LDB2: variants seen among roughly 807,000 people sequenced by gnomAD.
LDB2 encodes LIM domain-binding protein 2.
In LDB2, 12 loss-of-function variants were observed where a neutral mutation model predicts 44.3. The observed-to-expected ratio is 0.27, with a 90% confidence interval of 0.17 to 0.44. The LOEUF (loss-of-function observed/expected upper bound fraction) is 0.44, where lower values mean the gene tolerates loss of function less well. Ranked by LOEUF, LDB2 falls within the 20% of genes least tolerant of loss-of-function variation. The probability of loss-of-function intolerance (pLI) is 1.00; values close to 1 mark genes in which losing one functional copy is unlikely to be tolerated. For missense variants in LDB2, 344 were observed against 473.5 expected (o/e 0.73, Z 2.54); for synonymous variants, 164 against 174.8 (o/e 0.94, Z 0.49).
intron 2 of LDB2, among the ~76,000 whole-genome samples, chr4:16,607,598 C>T (rs1366002261): frequency 1.3e-5 from 2 of 152,044 alleles, no homozygotes; most frequent in Non-Finnish European, 2.9e-5. Context: ...ACACTATGCA[C>T]GTGAAGTGCT....
chr4:16,884,490 A>C (rs1007327432), intron 1 of LDB2, among the ~76,000 whole-genome samples: 2 of 152,148 alleles, frequency 1.3e-5, no homozygotes, highest in African/African-American at 4.8e-5. Flanking sequence ...CCCAGACCTT[A>C]AGCCTCAGCA....
intron 2 of LDB2, chr4:16,626,754 T>C (rs898119631): frequency 2.0e-5 from 3 of 152,196 alleles, no homozygotes; most frequent in Admixed American, 2.0e-4. Context: ...GGCTACTGAT[T>C]AGATATGGTA....
At chr4:16,792,113 G>T (rs1289525558) in intron 1 of LDB2, among the ~76,000 whole-genome samples, 1 of 152,138 alleles carries the variant, frequency 6.6e-6, no homozygotes, top group Non-Finnish European at 1.5e-5. Flanking sequence ...AACAAAATGG[G>T]TGTGGATTTG....
intron 5 of LDB2, among the ~76,000 whole-genome samples, chr4:16,567,279 A>G (rs948113546): frequency 6.6e-6 from 1 of 152,188 alleles, no homozygotes; most frequent in Non-Finnish European, 1.5e-5. Flanking sequence ...ATTATGGTAT[A>G]TCTTTAGAGT....
intron 5 of LDB2, among the ~76,000 whole-genome samples, chr4:16,535,752 A>C (rs1501144): frequency 6.6e-6 from 1 of 152,032 alleles, no homozygotes; most frequent in African/African-American, 2.4e-5. Context: ...TAAGCCCTAT[A>C]CTGGGCAATT....
Position 16,511,829 on chromosome 4 carries a change from T to C in LDB2, c.739+152A>G, listed in dbSNP as rs114333814. On this transcript the variant is annotated intron_variant, in intron 6 of 7. Transcript: ENST00000304523. ...GGATGTTTGCCTGTCACAAATTCAT[T>C]GTCTTTATGTCCACAACCATGGTCA... 1,619 of 826,008 alleles carry C rather than the reference T, an allele frequency of 2.0e-3. 17 individuals carry two copies. In the African/African-American group the frequency reaches 0.025, roughly 13 times the overall value. The allele number at this position is 826,008 out of a possible 1,614,324, so 51.2% of individuals were successfully genotyped here.
intron 1 of LDB2, chr4:16,888,671 T>C (rs1357747886): frequency 3.1e-6 from 3 of 967,678 alleles, no homozygotes; most frequent in Admixed American, 1.2e-4. Context: ...TGGCATTACT[T>C]ACATTATTTA....
intron 3 of LDB2, among the ~76,000 whole-genome samples, chr4:16,591,124 A>G (rs1044489574): frequency 6.6e-6 from 1 of 152,228 alleles, no homozygotes; most frequent in African/African-American, 2.4e-5. Context: ...ATATTTAAAC[A>G]AATATTAGCT....
At chr4:16,791,486 C>T (rs1487001339) in intron 1 of LDB2, among the ~76,000 whole-genome samples, 2 of 132,658 alleles carry the variant, frequency 1.5e-5, no homozygotes, top group Non-Finnish European at 3.1e-5. Context: ...ACGGGGGAGG[C>T]GGAGGTTGCA....
chr4:16,819,875 G>GT (rs1713650024), intron 1 of LDB2, among the ~76,000 whole-genome samples: 1 of 152,162 alleles, frequency 6.6e-6, no homozygotes, highest in Non-Finnish European at 1.5e-5. Context: ...AGTATTAAGA[G>GT]TCAACATAAA....
chr4:16,850,247 G>A (rs531347026), intron 1 of LDB2, among the ~76,000 whole-genome samples: 4 of 152,166 alleles, frequency 2.6e-5, no homozygotes, highest in Admixed American at 1.3e-4. Context: ...GAGAAAGCCT[G>A]GAATAAGGGA....
rs996186969 is a variant in LDB2, at chr4:16,682,090, G to A, written c.235+77068C>T. On this transcript the variant is annotated intron_variant, in intron 2 of 7. Transcript: ENST00000304523. ...TATCATTTGAACATTGCTCATCATC[G>A]TGTTTATTTTATATAGACAGAGAGA... Among the ~76,000 whole-genome samples the A allele has an allele frequency of 3.3e-5, 5 of 152,162 alleles. No individual in the cohort carries two copies. In the South Asian group the frequency reaches 6.2e-4, roughly 19 times the overall value.
chr4:16,788,324 G>A (rs1188378711), intron 1 of LDB2, among the ~76,000 whole-genome samples: 1 of 152,212 alleles, frequency 6.6e-6, no homozygotes, highest in East Asian at 1.9e-4. Context: ...CTTTGGGGGT[G>A]GTGATGGGAA....
chr4:16,791,116 G>A (rs1775606335), intron 1 of LDB2, among the ~76,000 whole-genome samples: 1 of 152,148 alleles, frequency 6.6e-6, no homozygotes, highest in Non-Finnish European at 1.5e-5. Flanking sequence ...TCACACTCCT[G>A]CAACAGCTAA....
intron 1 of LDB2, among the ~76,000 whole-genome samples, chr4:16,806,577 AT>A (rs1258865624): frequency 6.6e-6 from 1 of 152,022 alleles, no homozygotes; most frequent in Non-Finnish European, 1.5e-5. Context: ...TTTGTGGGCA[AT>A]TTTTTTCCAC....
At chr4:16,703,513 C>A (rs1002966163) in intron 2 of LDB2, among the ~76,000 whole-genome samples, 1 of 152,178 alleles carries the variant, frequency 6.6e-6, no homozygotes, top group Non-Finnish European at 1.5e-5. Context: ...ATGACAAAGG[C>A]TTTAGAATAA....
chr4:16,766,466 A>G (rs2313973), intron 1 of LDB2, among the ~76,000 whole-genome samples: 61 of 61,220 alleles, frequency 1.0e-3, no homozygotes, highest in African/African-American at 2.9e-3. Flanking sequence ...ACACACACAT[A>G]TATGTGTGTG....
At chr4:16,565,889 A>C (rs1744326041) in intron 5 of LDB2, among the ~76,000 whole-genome samples, 1 of 152,072 alleles carries the variant, frequency 6.6e-6, no homozygotes. Flanking sequence ...TGTGATCACG[A>C]AAGTTATTAA....
chr4:16,505,613 C>T (rs1164179385), intron 7 of LDB2, among the ~76,000 whole-genome samples: 1 of 150,274 alleles, frequency 6.7e-6, no homozygotes, highest in Non-Finnish European at 1.5e-5. Flanking sequence ...CAACATTTCC[C>T]CCCCATTTTG....
Sources: allele counts gnomAD v4.1 joint callset (sites outside exome capture counted in the v4.1 genomes callset), GRCh38; gene constraint gnomAD v4.1.1; transcripts MANE v1.5; gene names NCBI Gene and HGNC (gene_info 2026-07-23, HGNC 2026-07-21).